ADCY5: variants seen among roughly 807,000 people sequenced by gnomAD.
The protein encoded by ADCY5 is adenylate cyclase 5, also known as adenylate cyclase type 5.
Under a neutral mutation model 119.7 loss-of-function variants are expected in ADCY5, and 30 were observed. The ratio of observed to expected loss-of-function variants is 0.25; its 90% confidence interval spans 0.19 to 0.34. The LOEUF (loss-of-function observed/expected upper bound fraction) is 0.34. ADCY5 is among the 10% of genes least tolerant of loss of function. The probability of loss-of-function intolerance (pLI) is 1.00; values close to 1 mark genes in which losing one functional copy is unlikely to be tolerated. For missense variants in ADCY5, 1,324 were observed against 1,775.2 expected (o/e 0.75, Z 4.57); for synonymous variants, 753 against 762.2 (o/e 0.99, Z 0.20).
At chr3:123,326,195 TG>T in intron 7 of ADCY5, among the ~76,000 whole-genome samples, 1 of 152,312 alleles carries the variant, frequency 6.6e-6, no homozygotes, top group Non-Finnish European at 1.5e-5. Flanking sequence ...CAAAGAGGTT[TG>T]GGTCAGTGAA....
chr3:123,291,282 A>G lies in ADCY5; in HGVS notation c.3158T>C (p.Leu1053Pro). The G allele has an allele frequency of 6.2e-7, 1 of 1,613,986 alleles. No individual in the cohort carries two copies. The highest frequency in any genetic ancestry group is 1.1e-5 in the South Asian group (1 of 91,086). Reference protein sequence around the residue: ...ILPKDVAAHFLARERRNDELY... With the variant: ...ILPKDVAAHFPARERRNDELY... Reference sequence around the variant, plus strand: ...CTCATCATTGCGCCGCTCGCGGGCCAGGAAGTGAGCGGCCACGTCCTTGGG... The same window carrying G: ...CTCATCATTGCGCCGCTCGCGGGCCGGGAAGTGAGCGGCCACGTCCTTGGG... Residue 1053 changes from leucine to proline, a missense_variant, in exon 18 of 21, where the codon CTG becomes CCG. Physicochemically the swap from Leu to Pro is moderately conservative, Grantham distance 98. Transcript: ENST00000462833.
At chr3:123,344,682 T>C (rs1169232592) in intron 3 of ADCY5, among the ~76,000 whole-genome samples, 4 of 151,938 alleles carry the variant, frequency 2.6e-5, no homozygotes, top group African/African-American at 9.7e-5. Flanking sequence ...CCAAGGGGTG[T>C]TTTTAAACTA....
At position 123,447,708 on chromosome 3, in the gene ADCY5, C is replaced by G. The variant is rs1266364523; in HGVS notation, c.838G>C (p.Val280Leu). The change falls in exon 1 of 21, where the codon GTG becomes CTG. Residue 280 changes from valine to leucine, a missense_variant. Physicochemically the swap from Val to Leu is conservative, Grantham distance 32 (BLOSUM62 1). This residue lies in a region of ADCY5 where 585 missense variants were observed against 569.9 expected (regional missense o/e 1.03). Coordinates refer to ENST00000462833, the MANE Select transcript of ADCY5 (RefSeq NM_183357.3). ...CAAAGCACAGCCATGATGAGGATCA[C>G]GCCGACGGCGGCCGCCAGCACGGCC... Reference protein sequence around the residue: ...YLAVLAAAVGVILIMAVLCNR... With the variant: ...YLAVLAAAVGLILIMAVLCNR... The G allele has an allele frequency of 6.3e-7, 1 of 1,599,170 alleles. No individual in the cohort carries two copies. The highest frequency in any genetic ancestry group is 8.5e-7 in the Non-Finnish European group (1 of 1,171,324).
chr3:123,446,170 C>T (rs192495712), intron 1 of ADCY5, among the ~76,000 whole-genome samples: 34 of 152,288 alleles, frequency 2.2e-4, no homozygotes, highest in South Asian at 4.1e-4. Flanking sequence ...AGCCCTGAAA[C>T]CCATAACAGT....
chr3:123,328,860 G>C (rs1056491868), intron 5 of ADCY5, 58 bp from the exon 6 acceptor site: 19 of 1,553,256 alleles, frequency 1.2e-5, no homozygotes, highest in Admixed American at 1.8e-5. Context: ...ACACAGAATG[G>C]GGGTGAGGCT....
intron 1 of ADCY5, among the ~76,000 whole-genome samples, chr3:123,426,795 T>C (rs1304302352): frequency 6.6e-6 from 1 of 152,018 alleles, no homozygotes; most frequent in East Asian, 1.9e-4. Flanking sequence ...TGGGGTGCCC[T>C]AGACACCAGG....
At position 123,286,592 on chromosome 3, in the gene ADCY5, CTG is replaced by C; in HGVS notation, c.3657+91_3657+92del. The C allele has an allele frequency of 6.8e-7, 1 of 1,472,786 alleles. No homozygotes were observed. The highest frequency in any genetic ancestry group is 9.0e-7 in the Non-Finnish European group (1 of 1,107,952). 91.2% of individuals were successfully genotyped at this position (1,472,786 alleles called of 1,614,324 possible). ...TTGAATCTGGCTGCAGACATTCTGA[CTG>C]GGAACTGTAGGTGGCCTGCCCTGAA... is the stretch of plus-strand genomic sequence containing the variant. On this transcript the variant is annotated intron_variant, in intron 20 of 20. Coordinates refer to ENST00000462833, the MANE Select transcript of ADCY5 (RefSeq NM_183357.3). The surrounding 1 kb of genome is among the most constrained non-coding windows in gnomAD (Gnocchi z 4.2).
intron 1 of ADCY5, among the ~76,000 whole-genome samples, chr3:123,364,553 T>A (rs1023176112): frequency 6.6e-6 from 1 of 152,002 alleles, no homozygotes; most frequent in Non-Finnish European, 1.5e-5. Context: ...CACCAGGTAC[T>A]CACTGCTGAC....
intron 3 of ADCY5, among the ~76,000 whole-genome samples, chr3:123,344,846 T>C (rs1254894332): frequency 6.6e-6 from 1 of 152,176 alleles, no homozygotes; most frequent in Non-Finnish European, 1.5e-5. Flanking sequence ...CATTTGCATA[T>C]GATTGCTTGC....
chr3:123,427,458 T>C (rs931746462), intron 1 of ADCY5, among the ~76,000 whole-genome samples: 29 of 152,304 alleles, frequency 1.9e-4, no homozygotes, highest in African/African-American at 6.7e-4. Context: ...GTTTAGTCTC[T>C]TGCCACCATG....
At chr3:123,377,467 CAG>C (rs1301044418) in intron 1 of ADCY5, among the ~76,000 whole-genome samples, 2 of 152,206 alleles carry the variant, frequency 1.3e-5, no homozygotes, top group Admixed American at 6.5e-5. Context: ...TCTGACCTCT[CAG>C]AGTGGGTCCC....
intron 1 of ADCY5, among the ~76,000 whole-genome samples, chr3:123,388,000 G>C (rs1206319686): frequency 6.6e-6 from 1 of 152,196 alleles, no homozygotes; most frequent in Admixed American, 6.5e-5. Flanking sequence ...AGTAGCAAAG[G>C]GGGACAAGAC....
At chr3:123,397,896 T>C (rs2107602834) in intron 1 of ADCY5, among the ~76,000 whole-genome samples, 1 of 152,276 alleles carries the variant, frequency 6.6e-6, no homozygotes, top group African/African-American at 2.4e-5. Flanking sequence ...TGAAGGGGAC[T>C]GTGTGGGTGT....
At chr3:123,416,898 G>A (rs1032344367) in intron 1 of ADCY5, among the ~76,000 whole-genome samples, 11 of 152,098 alleles carry the variant, frequency 7.2e-5, no homozygotes, top group African/African-American at 2.4e-4. Context: ...AAAAGAGTAG[G>A]CTCCAGAGAT....
chr3:123,404,194 G>A (rs1027193927), intron 1 of ADCY5: 2 of 152,204 alleles, frequency 1.3e-5, no homozygotes, highest in Non-Finnish European at 2.9e-5. Context: ...GAGTTACAAT[G>A]TCACATTACC....
chr3:123,299,047 C>T (rs767805343), intron 15 of ADCY5, among the ~76,000 whole-genome samples: 61 of 152,114 alleles, frequency 4.0e-4, no homozygotes, highest in Non-Finnish European at 6.8e-4. Context: ...CTGAGCTCCT[C>T]AAATTGCTGA....
At position 123,320,852 on chromosome 3, in the gene ADCY5, C is replaced by A. The variant is rs79456288; in HGVS notation, c.2089-81G>T. On this transcript the variant is annotated intron_variant, in intron 8 of 20. Transcript: ENST00000462833. ...AAGCTCAGAGGCGTCTAGATGGCTGCAGCTCATCTCTACAGTCTCCCAAAG... is the reference window on the plus strand; with the variant it reads ...AAGCTCAGAGGCGTCTAGATGGCTGAAGCTCATCTCTACAGTCTCCCAAAG... The A allele has an allele frequency of 1.6e-3, 1,644 of 1,015,348 alleles. 27 individuals are homozygous for A. In the East Asian group the frequency reaches 0.039, roughly 24 times the overall value. The allele number at this position is 1,015,348 out of a possible 1,614,324, so 62.9% of individuals were successfully genotyped here.
At chr3:123,433,042 G>A (rs1576694072) in intron 1 of ADCY5, among the ~76,000 whole-genome samples, 1 of 152,218 alleles carries the variant, frequency 6.6e-6, no homozygotes, top group Non-Finnish European at 1.5e-5. Context: ...TAAATATTTG[G>A]GGATTGAAAG....
chr3:123,430,464 G>C (rs7429097), intron 1 of ADCY5, among the ~76,000 whole-genome samples: 1 of 152,146 alleles, frequency 6.6e-6, no homozygotes, highest in African/African-American at 2.4e-5. Flanking sequence ...AAATCACCCC[G>C]AGGCCTCGGA....
Sources: allele counts gnomAD v4.1 joint callset (sites outside exome capture counted in the v4.1 genomes callset), GRCh38; gene constraint gnomAD v4.1.1; regional missense constraint gnomAD v4.1.1; non-coding constraint Gnocchi (gnomAD v3.1); transcripts MANE v1.5; gene names NCBI Gene and HGNC (gene_info 2026-07-23, HGNC 2026-07-21).